Variants in GPLD1 observed in about 807,000 individuals in gnomAD.
GPLD1 encodes the protein glycosylphosphatidylinositol specific phospholipase D1, also known as phosphatidylinositol-glycan-specific phospholipase D.
GPLD1 carries 84 observed loss-of-function variants against 112.6 expected under a neutral mutation model. That is an observed-to-expected ratio of 0.75 (90% CI 0.63 to 0.89). GPLD1 has a LOEUF of 0.89. Among genes scored for constraint, GPLD1 ranks in the 40% least tolerant of loss-of-function variants. The probability of loss-of-function intolerance (pLI) is 0.00; values close to 1 mark genes in which losing one functional copy is unlikely to be tolerated. For missense variants in GPLD1, 1,044 were observed against 1,051.5 expected (o/e 0.99, Z 0.10); for synonymous variants, 386 against 403.8 (o/e 0.96, Z 0.53).
intron 7 of GPLD1, among the ~76,000 whole-genome samples, chr6:24,472,054 A>G (rs1763842419): frequency 6.6e-6 from 1 of 152,256 alleles, no homozygotes; most frequent in East Asian, 1.9e-4. Context: ...ACAAACTGAC[A>G]AGAGAGTAGA....
At chr6:24,495,026 T>G in exon 1 of GPLD1, 4 of 1,343,244 alleles carry the variant, frequency 3.0e-6, no homozygotes, top group Non-Finnish European at 3.8e-6. Flanking sequence ...TGCGGAGCTG[T>G]GGGGCCCGGC....
intron 14 of GPLD1, 88 bp from the exon 15 acceptor site, chr6:24,449,987 ACAACCCC>A: frequency 1.1e-6 from 1 of 871,948 alleles, no homozygotes; most frequent in Non-Finnish European, 1.8e-6. Flanking sequence ...GAGGCCTGGG[ACAACCCC>A]CGCCCCCCGC....
chr6:24,452,565 C>G (rs1763125278), intron 14 of GPLD1, among the ~76,000 whole-genome samples: 1 of 152,116 alleles, frequency 6.6e-6, no homozygotes, highest in East Asian at 1.9e-4. Context: ...CACCTGAGGT[C>G]AAGAGTTCAA....
intron 11 of GPLD1, 126 bp downstream of exon 11, chr6:24,462,604 C>A: frequency 3.0e-6 from 2 of 675,026 alleles, no homozygotes; most frequent in South Asian, 1.8e-5. Context: ...CACACAGCTG[C>A]AAGTGACAAA....
At chr6:24,424,758 C>T (rs1462537215), downstream of GPLD1, 1 of 152,140 alleles carries the variant, frequency 6.6e-6, no homozygotes, top group Non-Finnish European at 1.5e-5. Context: ...TCTTGCACTA[C>T]AAATGTAATA....
At position 24,489,570 on chromosome 6, in the gene GPLD1, C is replaced by T; in HGVS notation, c.-59G>A. 3 of 1,609,444 alleles carry T rather than the reference C, an allele frequency of 1.9e-6. No individual in the cohort carries two copies. Among genetic ancestry groups the T allele is most frequent in the Non-Finnish European group, 2.5e-6 (3 of 1,177,828 alleles). On this transcript the variant is annotated 5_prime_UTR_variant, in exon 1 of 25. The change creates a new upstream start codon in the 5' untranslated region. Coordinates refer to ENST00000230036, the MANE Select transcript of GPLD1 (RefSeq NM_001503.4). ...GGGAATGCTCAGAGCTGCAGCAGCA[C>T]TGGGACTCCAAAATCCAGGTGCAGA...
At position 24,433,248 on chromosome 6, in the gene GPLD1, T is replaced by C. The variant is rs1338864569; in HGVS notation, c.2386-11A>G. On this transcript the variant is annotated splice_polypyrimidine_tract_variant and intron_variant, in intron 23 of 24. Coordinates refer to ENST00000230036, the MANE Select transcript of GPLD1 (RefSeq NM_001503.4). ...AAACCTTGAGCTGGCCTGTAAAACA[T>C]GCCGTCTGTTAATGGGCTTTGAAGA... 3 of 1,610,754 alleles carry C rather than the reference T, an allele frequency of 1.9e-6. No homozygotes were observed. The highest frequency in any genetic ancestry group is 1.1e-5 in the South Asian group (1 of 91,016).
chr6:24,474,174 T>TATACAC (rs1763928500), intron 5 of GPLD1, among the ~76,000 whole-genome samples: 1 of 145,536 alleles, frequency 6.9e-6, no homozygotes, highest in Non-Finnish European at 1.5e-5. Context: ...CACACCCACA[T>TATACAC]ACACACACAC....
At chr6:24,467,514 TGCAGA>T (rs1581769159) in intron 7 of GPLD1, among the ~76,000 whole-genome samples, 1 of 152,188 alleles carries the variant, frequency 6.6e-6, no homozygotes, top group African/African-American at 2.4e-5. Flanking sequence ...GGCCCAATGA[TGCAGA>T]GCAAACAACT....
chr6:24,450,316 C>T (rs60830931), intron 14 of GPLD1, among the ~76,000 whole-genome samples: 35,816 of 151,892 alleles, frequency 0.24, 4,437 homozygotes, highest in Non-Finnish European at 0.27. Context: ...GCCTGGCCAA[C>T]ATAGTGAAAC....
In GPLD1 at chr6:24,441,617, G is replaced by C. The variant is rs149507934; in HGVS notation, c.2020+3929C>G. ...AAATTGCTGTGGATTAGGAAATGAG[G>C]AAAGTTGTGTCTAACCTGATTCCAA... On this transcript the variant is annotated intron_variant, in intron 20 of 24. Coordinates refer to ENST00000230036, the MANE Select transcript of GPLD1 (RefSeq NM_001503.4). Among the ~76,000 whole-genome samples the C allele has an allele frequency of 1.8e-4, 27 of 152,296 alleles. No homozygotes were observed. In the East Asian group the frequency reaches 4.8e-3, roughly 27 times the overall value.
chr6:24,486,075 C>G lies in GPLD1; in HGVS notation c.153G>C (p.Glu51Asp). 6.4e-7 allele frequency: 1 copy of G among 1,570,350 alleles called. No homozygotes were observed. Reference protein sequence around the residue: ...QLHNGRVNYRELLLEHQDAYQ... With the variant: ...QLHNGRVNYRDLLLEHQDAYQ... Reference sequence around the variant, plus strand: ...AGAAAAGAAAAATCAAGATTTCTACCTCTCTGTAGTTAACACGCCCATTGT... The same window carrying G: ...AGAAAAGAAAAATCAAGATTTCTACGTCTCTGTAGTTAACACGCCCATTGT... Residue 51 changes from glutamate (E) to aspartate (D), a missense_variant and splice_region_variant, in exon 2 of 25, where the codon GAG (glutamate) becomes GAC (aspartate). Coordinates refer to ENST00000230036, the MANE Select transcript of GPLD1 (RefSeq NM_001503.4).
At position 24,428,916 on chromosome 6, in the gene GPLD1, T is replaced by TCTA. The variant is rs1762319109; in HGVS notation, c.*113_*115dup. 6.7e-6 allele frequency: 4 copies of TCTA among 601,146 alleles called. No homozygotes were observed. In the South Asian group the frequency reaches 1.1e-4, roughly 16 times the overall value. The allele number at this position is 601,146 out of a possible 1,614,324, so 37.2% of individuals were successfully genotyped here. A position where few individuals can be genotyped will look rare whatever the true frequency, so the allele number is the denominator to read the frequency against. The stretch of plus-strand genomic sequence containing the variant: ...TCTCTCTACTCCCAGGAGCCCCATG[T>TCTA]CTATCAGGATCTACCACCGCTCCAC... On this transcript the variant is annotated 3_prime_UTR_variant, in exon 25 of 25. Transcript: ENST00000230036.
chr6:24,451,867 A>G (rs868405115), intron 14 of GPLD1, among the ~76,000 whole-genome samples: 3 of 152,324 alleles, frequency 2.0e-5, no homozygotes, highest in Middle Eastern at 3.4e-3. Flanking sequence ...GGTGGGAACC[A>G]ATAACTCAGG....
intron 17 of GPLD1, 76 bp downstream of exon 17, chr6:24,447,801 T>C: frequency 1.5e-6 from 2 of 1,346,980 alleles, no homozygotes; most frequent in Non-Finnish European, 2.1e-6. Context: ...AAAAAGGATA[T>C]AAACCCCTAT....
At chr6:24,469,940 A>G (rs9461023) in intron 7 of GPLD1, among the ~76,000 whole-genome samples, 34,316 of 152,056 alleles carry the variant, frequency 0.23, 5,620 homozygotes, top group African/African-American at 0.46. Flanking sequence ...TAGCTTAAAA[A>G]GTCAGACAAA....
chr6:24,449,658 T>C (rs1156510808), intron 15 of GPLD1, 131 bp downstream of exon 15: 12 of 647,928 alleles, frequency 1.9e-5, no homozygotes, highest in Non-Finnish European at 2.7e-6. Context: ...TGAGATTATC[T>C]GCTCACAAAT....
At chr6:24,439,883 T>C (rs985637622) in intron 20 of GPLD1, among the ~76,000 whole-genome samples, 1 of 152,222 alleles carries the variant, frequency 6.6e-6, no homozygotes, top group South Asian at 2.1e-4. Context: ...GCTTAAACCC[T>C]CTGATTAAGG....
In GPLD1 at chr6:24,445,823, T is replaced by C. The variant is rs147462718; in HGVS notation, c.1829A>G (p.His610Arg). 7.3e-4 allele frequency: 1,176 copies of C among 1,611,444 alleles called. 2 individuals are homozygous for C. Among genetic ancestry groups the C allele is most frequent in the Non-Finnish European group, 8.8e-4 (1,031 of 1,177,808 alleles). The change falls in exon 19 of 25, where the codon CAT (histidine) becomes CGT (arginine). Residue 610 changes from histidine (H) to arginine (R), a missense_variant. His to Arg is a conservative substitution (Grantham distance 29, BLOSUM62 0). Transcript: ENST00000230036. ...PTWKNASRLGHLLHIRDEKKS... is the reference protein window; with the variant it reads ...PTWKNASRLGRLLHIRDEKKS... ...TTTCTCATCTCGGATGTGTAACAAA[T>C]GGCCCAGCCTAGAATGAAGCACACT...
Sources: gnomAD v4.1 joint callset for allele counts (sites outside exome capture counted in the v4.1 genomes callset) on GRCh38, gnomAD v4.1.1 for gene constraint, MANE v1.5 for transcripts, NCBI Gene and HGNC (gene_info 2026-07-23, HGNC 2026-07-21) for gene names.